Variants in PNKD observed in about 807,000 individuals in gnomAD.
PNKD encodes PNKD metallo-beta-lactamase domain containing.
A neutral mutation model predicts 45.3 loss-of-function variants in PNKD; 36 were observed. The observed-to-expected ratio is 0.80, with a 90% CI of 0.61 to 1.05. The LOEUF (loss-of-function observed/expected upper bound fraction) is 1.05. PNKD is among the 50% of genes least tolerant of loss of function. The pLI, the probability that PNKD is intolerant of heterozygous loss-of-function variation, is 0.00. For synonymous variants in PNKD, 197 were observed against 210.1 expected (o/e 0.94, Z 0.54); for missense variants, 511 against 506.6 (o/e 1.01, Z -0.08).
intron 2 of PNKD, among the ~76,000 whole-genome samples, chr2:218,293,436 T>C (rs1257202657): frequency 2.6e-5 from 4 of 152,148 alleles, no homozygotes; most frequent in Non-Finnish European, 5.9e-5. Context: ...AGAGAAACAT[T>C]ACCGAGCCTT....
Position 218,340,071 on chromosome 2 carries a change from G to A in PNKD, c.395G>A (p.Ser132Asn), listed in dbSNP as rs1694627264. ...ATCCCTGTCCTCTCGGACAACTACA[G>A]CTACCTCATCATCGACACCCAGGCC... Reference protein sequence around the residue: ...LPIPVLSDNYSYLIIDTQAQL... With the variant: ...LPIPVLSDNYNYLIIDTQAQL... Residue 132 changes from serine (S) to asparagine (N), a missense_variant, in exon 4 of 10, where the codon AGC becomes AAC. By Grantham distance (46) the Ser-to-Asn change is conservative (BLOSUM62 1). Coordinates refer to ENST00000273077, the MANE Select transcript of PNKD (RefSeq NM_015488.5). This position sits in a 1 kb window ranked among gnomAD's most constrained non-coding sequence, Gnocchi z 4.2. The A allele has an allele frequency of 6.2e-7, 1 of 1,613,912 alleles. No homozygotes were observed. Among genetic ancestry groups the A allele is most frequent in the Non-Finnish European group, 8.5e-7 (1 of 1,179,848 alleles).
intron 2 of PNKD, among the ~76,000 whole-genome samples, chr2:218,313,109 A>AT (rs146265094): frequency 0.44 from 65,102 of 147,164 alleles, 16,801 homozygotes; most frequent in South Asian, 0.63. Context: ...TCTTTATACA[A>AT]TTTTTTTTTT....
chr2:218,288,537 C>T (rs1048025257), intron 2 of PNKD, among the ~76,000 whole-genome samples: 1 of 152,228 alleles, frequency 6.6e-6, no homozygotes, highest in African/African-American at 2.4e-5. Context: ...GAATATCCCT[C>T]ATTTCCAAAA....
intron 2 of PNKD, among the ~76,000 whole-genome samples, chr2:218,331,101 C>T (rs986909998): frequency 2.6e-5 from 4 of 152,176 alleles, no homozygotes; most frequent in Admixed American, 6.5e-5. Context: ...GAAGGTGGGA[C>T]GGGGGATTGA....
intron 2 of PNKD, chr2:218,272,655 C>T (rs767306596): frequency 1.2e-5 from 20 of 1,614,044 alleles, no homozygotes; most frequent in Non-Finnish European, 1.6e-5. Context: ...GATGAAGGCT[C>T]GGCAGAACAT....
At chr2:218,277,283 G>A in intron 2 of PNKD, 1 of 1,342,872 alleles carries the variant, frequency 7.4e-7, no homozygotes, top group Non-Finnish European at 1.1e-6. Flanking sequence ...CAGGTCTCTA[G>A]GGAACATCCC....
intron 2 of PNKD, chr2:218,323,179 C>T: frequency 1.5e-6 from 2 of 1,375,970 alleles, no homozygotes; most frequent in Non-Finnish European, 1.9e-6. Context: ...CGTCCAGAGC[C>T]GGCAGGCAGG....
At position 218,323,671 on chromosome 2, in the gene PNKD, G is replaced by A. The variant is rs1694061525; in HGVS notation, c.237-16112G>A. Among the ~76,000 whole-genome samples, 3 of 152,220 alleles carry A rather than the reference G, an allele frequency of 2.0e-5. No homozygotes were observed. The South Asian group carries it at 6.2e-4, about 32-fold the overall frequency. On this transcript the variant is annotated intron_variant, in intron 2 of 9. Transcript: ENST00000273077. Reference sequence around the variant, plus strand: ...AGGATCGGAGAGGCGGGCCAGGGTGGCCACGGAAGGAGGGCGTGAGAGGAC... The same window carrying A: ...AGGATCGGAGAGGCGGGCCAGGGTGACCACGGAAGGAGGGCGTGAGAGGAC...
At chr2:218,335,080 G>A (rs1222970154) in intron 2 of PNKD, among the ~76,000 whole-genome samples, 2 of 151,902 alleles carry the variant, frequency 1.3e-5, no homozygotes, top group Non-Finnish European at 2.9e-5. Flanking sequence ...GAACCCCAGC[G>A]TTTCAGGCTT....
At chr2:218,290,990 T>G (rs1197916678) in intron 2 of PNKD, among the ~76,000 whole-genome samples, 1 of 152,164 alleles carries the variant, frequency 6.6e-6, no homozygotes, top group Non-Finnish European at 1.5e-5. Context: ...TATGTGTGTT[T>G]CCCTTCTCTG....
At chr2:218,323,413 G>A (rs374078063) in intron 2 of PNKD, 13 of 1,571,874 alleles carry the variant, frequency 8.3e-6, no homozygotes, top group African/African-American at 1.4e-5. Flanking sequence ...CACAGCCAGC[G>A]GCTGCTCTTC....
chr2:218,275,708 A>G, intron 2 of PNKD: 2 of 1,503,478 alleles, frequency 1.3e-6, no homozygotes, highest in South Asian at 1.3e-5. Flanking sequence ...TTGGGGGCCT[A>G]TGCGCCACAC....
chr2:218,271,235 A>G, intron 1 of PNKD, 146 bp from the exon 2 acceptor site: 1 of 775,432 alleles, frequency 1.3e-6, no homozygotes, highest in Non-Finnish European at 2.3e-6. Flanking sequence ...TTCCCTTTGG[A>G]TTCTCCTTGG....
In PNKD at chr2:218,270,592, C is replaced by T; in HGVS notation, c.57C>T (p.Arg19=). Residue 19 remains arginine, a synonymous_variant, in exon 1 of 10, where the codon CGC becomes CGT. Coordinates refer to ENST00000273077, the MANE Select transcript of PNKD (RefSeq NM_015488.5). ...ALKGRGARNA[R]VLRGILAGAT... The stretch of plus-strand genomic sequence containing the variant: ...AGGGCCGGGGGGCGAGAAATGCCCG[C>T]GTCCTCCGGGGTAAGGAGAGGGACC... 9.2e-7 allele frequency: 1 copy of T among 1,084,104 alleles called. No homozygotes were observed. 67.2% of individuals were successfully genotyped at this position (1,084,104 alleles called of 1,614,324 possible). A position where few individuals can be genotyped will look rare whatever the true frequency, so the allele number is the denominator to read the frequency against.
chr2:218,335,988 G>A (rs916976732), intron 2 of PNKD, among the ~76,000 whole-genome samples: 13 of 151,788 alleles, frequency 8.6e-5, no homozygotes, highest in Non-Finnish European at 1.6e-4. Context: ...AGGCCAAGGC[G>A]GGTTGATCAT....
rs1296078199 is a variant in PNKD, at chr2:218,323,267, C to A, written c.237-16516C>A. Reference sequence around the variant, plus strand: ...CCGGCCGGCGCGTGCCTGCCCCCAGCATGGCTTGGCAGGGCTGGCCCGCGG... The same window carrying A: ...CCGGCCGGCGCGTGCCTGCCCCCAGAATGGCTTGGCAGGGCTGGCCCGCGG... On this transcript the variant is annotated intron_variant, in intron 2 of 9. Transcript: ENST00000273077. 5 of 1,526,460 alleles carry A rather than the reference C, an allele frequency of 3.3e-6. No homozygotes were observed. The Admixed American group carries it at 1.0e-4, about 30-fold the overall frequency. 94.6% of individuals were successfully genotyped at this position (1,526,460 alleles called of 1,614,324 possible).
rs1396903186 is a variant in PNKD, at chr2:218,339,904, C to T, written c.352+6C>T. The stretch of plus-strand genomic sequence containing the variant: ...CCAGCCCCGCCTCTTCAATGGTGAG[C>T]TCTGACTGCCCCGGCCAGCATCCCC... On this transcript the variant is annotated splice_donor_region_variant and intron_variant, in intron 3 of 9. Coordinates refer to ENST00000273077, the MANE Select transcript of PNKD (RefSeq NM_015488.5). 2 of 1,588,424 alleles carry T rather than the reference C, an allele frequency of 1.3e-6. No individual in the cohort carries two copies. The highest frequency in any genetic ancestry group is 1.3e-5 in the African/African-American group (1 of 74,306).
chr2:218,283,842 G>A (rs1001685247), intron 2 of PNKD, among the ~76,000 whole-genome samples: 1 of 152,098 alleles, frequency 6.6e-6, no homozygotes, highest in African/African-American at 2.4e-5. Context: ...AGAGGGGCTG[G>A]GATAGAACCA....
At position 218,344,952 on chromosome 2, in the gene PNKD, C is replaced by T. The variant is rs377569724; in HGVS notation, c.1129C>T (p.Arg377Trp). 6.2e-6 allele frequency: 10 copies of T among 1,613,764 alleles called. No individual in the cohort carries two copies. Among genetic ancestry groups the T allele is most frequent in the South Asian group, 3.3e-5 (3 of 91,082 alleles). Residue 377 changes from arginine (R) to tryptophan (W), a missense_variant, in exon 10 of 10, where the codon CGG (arginine) becomes TGG (tryptophan). Physicochemically the swap from Arg to Trp is moderately radical, Grantham distance 101. Transcript: ENST00000273077. ...GGCCCAGCTCCTGGAAGAGCTCCGCCGGCTGAAGGATATGCACAAGAGCAA... is the reference window on the plus strand; with the variant it reads ...GGCCCAGCTCCTGGAAGAGCTCCGCTGGCTGAAGGATATGCACAAGAGCAA... ...SRAQLLEELR[R>W]LKDMHKSK is the part of the protein sequence containing the mutation.
Sources: gnomAD v4.1 joint callset for allele counts (sites outside exome capture counted in the v4.1 genomes callset) on GRCh38, gnomAD v4.1.1 for gene constraint, Gnocchi (gnomAD v3.1) non-coding constraint, MANE v1.5 for transcripts, NCBI Gene and HGNC (gene_info 2026-07-23, HGNC 2026-07-21) for gene names.